STARD4: variants seen among roughly 807,000 people sequenced by gnomAD.
STARD4 encodes StAR related lipid transfer domain containing 4, also known as stAR-related lipid transfer protein 4.
A neutral mutation model predicts 24.9 loss-of-function variants in STARD4; 33 were observed. The observed-to-expected ratio is 1.32, with a 90% CI of 1.00 to 1.77. The LOEUF is 1.77. Ranked by LOEUF, STARD4 falls within the 40% of genes most tolerant of loss-of-function variation. The pLI is 0.00. For synonymous variants in STARD4, 88 were observed against 77.4 expected, an observed-to-expected ratio of 1.14 and a Z score of -0.72; for missense variants, 238 against 249.3, an observed-to-expected ratio of 0.95 and a Z score of 0.31.
At position 111,501,831 on chromosome 5, in the gene STARD4, T is replaced by C. The variant is rs560402367; in HGVS notation, c.282+131A>G. On this transcript the variant is annotated intron_variant, in intron 4 of 5. Transcript: ENST00000296632. The stretch of plus-strand genomic sequence containing the variant: ...AGCATGGGACTCCCCTGTGATATCT[T>C]TGTCGTGACTGCTATTCTCAAAGCA... 2.2e-5 allele frequency: 28 copies of C among 1,276,276 alleles called. No individual in the cohort carries two copies. In the East Asian group the frequency reaches 4.5e-4, roughly 20 times the overall value. The allele number at this position is 1,276,276 out of a possible 1,614,324, so 79.1% of individuals were successfully genotyped here.
intron 3 of STARD4, among the ~76,000 whole-genome samples, chr5:111,503,851 G>A (rs951180481): frequency 3.3e-5 from 5 of 152,050 alleles, no homozygotes; most frequent in African/African-American, 7.3e-5. Context: ...GGAGAAGGTA[G>A]TATAACACAT....
intron 1 of STARD4, among the ~76,000 whole-genome samples, chr5:111,509,762 A>G (rs889181964): frequency 5.3e-5 from 8 of 152,168 alleles, no homozygotes; most frequent in African/African-American, 1.9e-4. Flanking sequence ...TACCATTCTC[A>G]CTTATGGAAG....
At position 111,500,397 on chromosome 5, in the gene STARD4, G is replaced by A. The variant is rs1394753883; in HGVS notation, c.398-291C>T. 4.5e-6 allele frequency: 5 copies of A among 1,109,262 alleles called. No homozygotes were observed. The East Asian group carries it at 2.3e-4, about 51-fold the overall frequency. The allele number at this position is 1,109,262 out of a possible 1,614,324, so 68.7% of individuals were successfully genotyped here. On this transcript the variant is annotated intron_variant, in intron 5 of 5. Coordinates refer to ENST00000296632, the MANE Select transcript of STARD4 (RefSeq NM_139164.3). The stretch of plus-strand genomic sequence containing the variant: ...ATCTTGGTTGTAGTATCCAGGCCTT[G>A]AGGTGCCAAAAATCAAATCCATGGT...
chr5:111,500,866 T>G, intron 5 of STARD4, 136 bp downstream of exon 5: 1 of 1,577,914 alleles, frequency 6.3e-7, no homozygotes, highest in Non-Finnish European at 8.6e-7. Context: ...TCCCTAGAGT[T>G]TAGCACTTGC....
chr5:111,507,380 G>A lies in STARD4; in HGVS notation c.54C>T (p.Leu18=). The change falls in exon 2 of 6, where the codon CTC becomes CTT. Residue 18 remains leucine (L), a synonymous_variant. Transcript: ENST00000296632. The surrounding 1 kb of genome is among the most constrained non-coding windows in gnomAD (Gnocchi z 4.4). ...CTTCTTCAATGCTATGGTACTGGATGAGAGTGTTTTTAAGTTTAGTTGCAA... is the reference window on the plus strand; with the variant it reads ...CTTCTTCAATGCTATGGTACTGGATAAGAGTGTTTTTAAGTTTAGTTGCAA... The part of the protein sequence containing the change: ...ASFATKLKNT[L]IQYHSIEEDK... 1.9e-6 allele frequency: 3 copies of A among 1,613,732 alleles called. No individual in the cohort carries two copies. The highest frequency in any genetic ancestry group is 2.2e-5 in the South Asian group (2 of 90,996).
At chr5:111,504,657 CTTATA>C (rs1756715109) in intron 3 of STARD4, among the ~76,000 whole-genome samples, 1 of 152,106 alleles carries the variant, frequency 6.6e-6, no homozygotes. Context: ...TCAAGCCAAA[CTTATA>C]TTATCTCCCC....
At chr5:111,511,784 T>C (rs1248488291) in intron 1 of STARD4, among the ~76,000 whole-genome samples, 1 of 152,252 alleles carries the variant, frequency 6.6e-6, no homozygotes, top group Admixed American at 6.5e-5. Flanking sequence ...TCCTGGCTGC[T>C]GAACCTAAAA....
At position 111,499,640 on chromosome 5, in the gene STARD4, A is replaced by T. The variant is rs758801548; in HGVS notation, c.*246T>A. 1.0e-5 allele frequency: 5 copies of T among 491,406 alleles called. No individual in the cohort carries two copies. The highest frequency in any genetic ancestry group is 1.8e-5 in the Non-Finnish European group (5 of 273,344). The allele number at this position is 491,406 out of a possible 1,614,324, so 30.4% of individuals were successfully genotyped here. On this transcript the variant is annotated 3_prime_UTR_variant, in exon 6 of 6. Transcript: ENST00000296632. Reference sequence around the variant, plus strand: ...CAAAGCTGCAGTGAGCTGTGATCATACCACTGCCCTCCAGCATGGGCAACA... The same window carrying T: ...CAAAGCTGCAGTGAGCTGTGATCATTCCACTGCCCTCCAGCATGGGCAACA...
Position 111,507,523 on chromosome 5 carries a change from A to AATATAT in STARD4, c.-9-82_-9-81insATATAT, listed in dbSNP as rs578046300. ...CAGTGGGTCTCGAATCTGGTTTCAC[A>AATATAT]ATATAATAACCTACCAGAGCTATAA... On this transcript the variant is annotated intron_variant, in intron 1 of 5. Transcript: ENST00000296632. This position sits in a 1 kb window ranked among gnomAD's most constrained non-coding sequence, Gnocchi z 4.4. 3.0e-3 allele frequency: 2,977 copies of AATATAT among 996,794 alleles called. 12 individuals are homozygous for AATATAT. The highest frequency in any genetic ancestry group is 4.1e-3 in the Non-Finnish European group (2,691 of 661,850). 61.7% of individuals were successfully genotyped at this position (996,794 alleles called of 1,614,324 possible).
rs1462975277 is a variant in STARD4, at chr5:111,498,456, T to C, written c.*1430A>G. On this transcript the variant is annotated 3_prime_UTR_variant, in exon 6 of 6. Transcript: ENST00000296632. ...ACCTTTGGAATTTCACCATCCTAGA[T>C]AGAACAGTAGAATATGAGACTTCCT... is the stretch of plus-strand genomic sequence containing the variant. 1 of 151,270 alleles carries C rather than the reference T, an allele frequency of 6.6e-6. No individual in the cohort carries two copies. The highest frequency in any genetic ancestry group is 1.5e-5 in the Non-Finnish European group (1 of 67,806). The allele number at this position is 151,270 out of a possible 1,614,324, so 9.4% of individuals were successfully genotyped here.
chr5:111,502,567 G>A (rs1300335046), intron 3 of STARD4, among the ~76,000 whole-genome samples: 2 of 152,044 alleles, frequency 1.3e-5, no homozygotes, highest in East Asian at 1.9e-4. Context: ...GCCAAGGTGG[G>A]CAGATCACCT....
chr5:111,501,828 T>A (rs1756472250), intron 4 of STARD4, 134 bp downstream of exon 4: 3 of 1,243,004 alleles, frequency 2.4e-6, no homozygotes, highest in Non-Finnish European at 3.3e-6. Flanking sequence ...CCCTGTGATA[T>A]CTTTGTCGTG....
chr5:111,501,071 T>C lies in STARD4; in HGVS notation c.328A>G (p.Ile110Val). The change falls in exon 5 of 6, where the codon ATA becomes GTA. Residue 110 changes from isoleucine (I) to valine (V), a missense_variant. By Grantham distance (29) the Ile-to-Val change is conservative. Coordinates refer to ENST00000296632, the MANE Select transcript of STARD4 (RefSeq NM_139164.3). ...RYTTAGQLWN[I>V]ISPREFVDFS... ...TCAACAAATTCTCTTGGGGAAATTA[T>C]ATTCCAAAGCTGACCAGCAGTAGTG... 1 of 1,612,394 alleles carries C rather than the reference T, an allele frequency of 6.2e-7. No individual in the cohort carries two copies. The highest frequency in any genetic ancestry group is 8.5e-7 in the Non-Finnish European group (1 of 1,179,574).
Position 111,501,945 on chromosome 5 carries a change from T to C in STARD4, c.282+17A>G. 6.2e-7 allele frequency: 1 copy of C among 1,613,738 alleles called. No homozygotes were observed. Among genetic ancestry groups the C allele is most frequent in the Non-Finnish European group, 8.5e-7 (1 of 1,179,852 alleles). ...TGCACATACACACAGTCTAAAGTAA[T>C]GTTTCTAAATAGATACCTCTTCAAA... On this transcript the variant is annotated intron_variant, in intron 4 of 5. Coordinates refer to ENST00000296632, the MANE Select transcript of STARD4 (RefSeq NM_139164.3).
rs1756224110 is a variant in STARD4 at position 111,498,577 on chromosome 5, T to A, written c.*1309A>T. On this transcript the variant is annotated 3_prime_UTR_variant, in exon 6 of 6. Transcript: ENST00000296632. ...ACTGAAACTAAACTACTGAGTTTTC[T>A]TTCACTATTGCAGAACAAAAAAAAA... 2 of 152,102 alleles carry A rather than the reference T, an allele frequency of 1.3e-5. No homozygotes were observed. The highest frequency in any genetic ancestry group is 2.9e-5 in the Non-Finnish European group (2 of 67,998). The allele number at this position is 152,102 out of a possible 1,614,324, so 9.4% of individuals were successfully genotyped here. A position where few individuals can be genotyped will look rare whatever the true frequency, so the allele number is the denominator to read the frequency against.
intron 1 of STARD4, among the ~76,000 whole-genome samples, chr5:111,508,436 G>C (rs1353360579): frequency 2.0e-5 from 3 of 152,010 alleles, no homozygotes; most frequent in Admixed American, 6.5e-5. Flanking sequence ...CAATTTCTTA[G>C]CATAATTCCT....
At position 111,507,476 on chromosome 5, in the gene STARD4, A is replaced by G. The variant is rs369912014; in HGVS notation, c.-9-34T>C. The G allele has an allele frequency of 1.3e-6, 2 of 1,566,904 alleles. No individual in the cohort carries two copies. The highest frequency in any genetic ancestry group is 1.7e-6 in the Non-Finnish European group (2 of 1,144,202). On this transcript the variant is annotated intron_variant, in intron 1 of 5. Coordinates refer to ENST00000296632, the MANE Select transcript of STARD4 (RefSeq NM_139164.3). The surrounding 1 kb of genome is among the most constrained non-coding windows in gnomAD (Gnocchi z 4.4). ...GAGACCAAGATTAGCATCAGCAAATACCACAGTTTGAGGCAATAGGCCAGT... is the reference window on the plus strand; with the variant it reads ...GAGACCAAGATTAGCATCAGCAAATGCCACAGTTTGAGGCAATAGGCCAGT...
Position 111,499,892 on chromosome 5 carries a change from A to G in STARD4, c.612T>C (p.Ala204=), listed in dbSNP as rs1253061429. Reference sequence around the variant, plus strand: ...TTTGAATGTATTTTGCCTCTCATAAAGCTTTTCGTAAATCACCATAGAAGT... The same window carrying G: ...TTTGAATGTATTTTGCCTCTCATAAGGCTTTTCGTAAATCACCATAGAAGT... ...LTNFYGDLRK[A]L is the part of the protein sequence containing the mutation. Residue 204 remains alanine (A), a synonymous_variant, in exon 6 of 6, where the codon GCT becomes GCC. Transcript: ENST00000296632. 1 of 1,614,064 alleles carries G rather than the reference A, an allele frequency of 6.2e-7. No homozygotes were observed. The highest frequency in any genetic ancestry group is 2.2e-5 in the East Asian group (1 of 44,880).
chr5:111,499,806 A>C lies in STARD4; in HGVS notation c.*80T>G. 1.5e-6 allele frequency: 2 copies of C among 1,318,330 alleles called. No homozygotes were observed. 81.7% of individuals were successfully genotyped at this position (1,318,330 alleles called of 1,614,324 possible). On this transcript the variant is annotated 3_prime_UTR_variant, in exon 6 of 6. Transcript: ENST00000296632. ...AATTTTTCTACCGGCTATGCAGAAA[A>C]GTGGAATCAATGATTTTTACAGGCC...
Sources: gnomAD v4.1 joint callset for allele counts (sites outside exome capture counted in the v4.1 genomes callset) on GRCh38, gnomAD v4.1.1 for gene constraint, Gnocchi (gnomAD v3.1) non-coding constraint, MANE v1.5 for transcripts, NCBI Gene and HGNC (gene_info 2026-07-23, HGNC 2026-07-21) for gene names.